The following NBAS variants were observed in gnomAD, a reference collection of about 807,000 sequenced individuals.
The protein encoded by NBAS is NAG/BC035112 fusion.
Under a neutral mutation model 302.5 loss-of-function variants are expected in NBAS, and 219 were observed. The observed-to-expected ratio is 0.72, with a 90% CI of 0.65 to 0.81. The LOEUF (loss-of-function observed/expected upper bound fraction) is 0.81. Ranked by LOEUF, NBAS falls within the 30% of genes least tolerant of loss-of-function variation. The pLI, the probability that NBAS is intolerant of heterozygous loss-of-function variation, is 0.00. For synonymous variants in NBAS, 1,118 were observed against 1,021.6 expected, an observed-to-expected ratio of 1.09 and a Z score of -1.80; for missense variants, 2,932 against 2,841.6, an observed-to-expected ratio of 1.03 and a Z score of -0.72.
chr2:15,067,255 G>A, the NBAS span, among the ~76,000 whole-genome samples: 4 of 151,644 alleles, frequency 2.6e-5, no homozygotes, highest in African/African-American at 7.3e-5. Context: ...TGATGGGGGA[G>A]GATCACTTAA....
At chr2:15,386,028 G>T (rs73198648) in intron 28 of NBAS, among the ~76,000 whole-genome samples, 1,854 of 152,272 alleles carry the variant, frequency 0.012, 35 homozygotes, top group African/African-American at 0.042. Flanking sequence ...AAATCTTAAG[G>T]CATTTAAATA....
chr2:15,114,408 C>A, the NBAS span, among the ~76,000 whole-genome samples: 1 of 152,134 alleles, frequency 6.6e-6, no homozygotes, highest in South Asian at 2.1e-4. Flanking sequence ...CCCAGTCATA[C>A]TGGAATTTAG....
intron 44 of NBAS, among the ~76,000 whole-genome samples, chr2:15,243,203 A>G (rs1165026877): frequency 6.6e-6 from 1 of 152,154 alleles, no homozygotes; most frequent in Non-Finnish European, 1.5e-5. Flanking sequence ...CAACTCTTCC[A>G]CTGCATTTGT....
At chr2:15,340,279 A>G (rs1448700539) in intron 35 of NBAS, among the ~76,000 whole-genome samples, 1 of 152,184 alleles carries the variant, frequency 6.6e-6, no homozygotes, top group Non-Finnish European at 1.5e-5. Context: ...AGTAAAATGG[A>G]GCCCAATTCT....
intron 32 of NBAS, among the ~76,000 whole-genome samples, chr2:15,363,112 G>GA (rs1317754868): frequency 6.6e-6 from 1 of 152,248 alleles, no homozygotes; most frequent in East Asian, 1.9e-4. Flanking sequence ...GGTGGTTGGG[G>GA]AGAGATTCCC....
At chr2:14,949,927 T>C in the NBAS span, among the ~76,000 whole-genome samples, 1 of 152,134 alleles carries the variant, frequency 6.6e-6, no homozygotes, top group Non-Finnish European at 1.5e-5. Context: ...AGAAGTTGAT[T>C]AATTGGTAAG....
chr2:15,110,888 C>T, the NBAS span, among the ~76,000 whole-genome samples: 2 of 151,894 alleles, frequency 1.3e-5, no homozygotes, highest in South Asian at 2.1e-4. Context: ...ATGAAAAACA[C>T]GAACTAAAAT....
chr2:15,190,551 G>C (rs1284745711), intron 48 of NBAS, 148 bp from the exon 49 acceptor site: 1 of 894,876 alleles, frequency 1.1e-6, no homozygotes, highest in African/African-American at 1.7e-5. Context: ...CACCTCAAAA[G>C]CTCTAAGCCT....
the NBAS span, among the ~76,000 whole-genome samples, chr2:15,148,434 G>A: frequency 1.3e-5 from 2 of 152,134 alleles, no homozygotes; most frequent in Non-Finnish European, 2.9e-5. Flanking sequence ...AAGCTTCCGG[G>A]AGGAGGCAAG....
chr2:14,989,040 G>A, the NBAS span, among the ~76,000 whole-genome samples: 1 of 152,082 alleles, frequency 6.6e-6, no homozygotes, highest in Non-Finnish European at 1.5e-5. Context: ...AAAGAATAAA[G>A]TTAAAACATC....
chr2:15,366,501 A>T, intron 32 of NBAS, 79 bp downstream of exon 32: 2 of 1,336,018 alleles, frequency 1.5e-6, no homozygotes, highest in South Asian at 2.4e-5. Context: ...CTGTAAGCAC[A>T]TATTCTGCTA....
At chr2:15,550,204 T>C (rs1053408813) in intron 6 of NBAS, among the ~76,000 whole-genome samples, 1 of 151,622 alleles carries the variant, frequency 6.6e-6, no homozygotes, top group Non-Finnish European at 1.5e-5. Context: ...CATGAGGGAG[T>C]GGGGGAATCT....
At chr2:15,457,830 A>G (rs1679318981) in intron 21 of NBAS, among the ~76,000 whole-genome samples, 1 of 152,234 alleles carries the variant, frequency 6.6e-6, no homozygotes, top group South Asian at 2.1e-4. Context: ...TTACTGCTCT[A>G]CTTGTCATTT....
chr2:15,091,271 A>G, the NBAS span, among the ~76,000 whole-genome samples: 1 of 152,210 alleles, frequency 6.6e-6, no homozygotes, highest in African/African-American at 2.4e-5. Context: ...ATCTAATTCA[A>G]TGACCTCCTC....
intron 38 of NBAS, among the ~76,000 whole-genome samples, chr2:15,322,200 G>C (rs952048031): frequency 1.5e-4 from 20 of 136,278 alleles, no homozygotes; most frequent in Admixed American, 1.2e-3. Flanking sequence ...AGAACACTTG[G>C]ACACAGGGCG....
At chr2:14,924,360 G>A in the NBAS span, among the ~76,000 whole-genome samples, 22 of 152,326 alleles carry the variant, frequency 1.4e-4, no homozygotes, top group East Asian at 5.8e-4. Flanking sequence ...AGAATAAATC[G>A]CTAGGAAGAA....
chr2:14,953,167 G>C, the NBAS span, among the ~76,000 whole-genome samples: 2 of 152,170 alleles, frequency 1.3e-5, no homozygotes, highest in Admixed American at 1.3e-4. Flanking sequence ...TGGAGGGCTG[G>C]ACGGGCCACA....
chr2:15,174,477 G>A lies in NBAS; in HGVS notation c.6840+4511C>T, dbSNP rs780941470. 3.3e-5 allele frequency among the ~76,000 whole-genome samples: 5 copies of A among 152,294 alleles called. No homozygotes were observed. In the East Asian group the frequency reaches 5.8e-4, roughly 18 times the overall value. ...TAGGTTTCATTTAGGAGGTGCTCTC[G>A]TGTCATAATCTCACCCAAAATGGCC... On this transcript the variant is annotated intron_variant, in intron 51 of 51. Coordinates refer to ENST00000281513, the MANE Select transcript of NBAS (RefSeq NM_015909.4).
the NBAS span, among the ~76,000 whole-genome samples, chr2:15,094,005 A>T: frequency 2.0e-5 from 3 of 152,228 alleles, no homozygotes; most frequent in African/African-American, 7.2e-5. Flanking sequence ...TGTTACTAAG[A>T]GACTCAGAAA....
Sources: gnomAD v4.1 joint callset for allele counts (sites outside exome capture counted in the v4.1 genomes callset) on GRCh38, gnomAD v4.1.1 for gene constraint, MANE v1.5 for transcripts, NCBI Gene and HGNC (gene_info 2026-07-23, HGNC 2026-07-21) for gene names.